Variants in ZNF500 observed in about 807,000 individuals in gnomAD.
ZNF500 encodes zinc finger protein 500, also known as zinc finger protein with KRAB and SCAN domains 18.
A neutral mutation model predicts 30.1 loss-of-function variants in ZNF500; 31 were observed. That is an observed-to-expected ratio of 1.03 (90% CI 0.77 to 1.39). ZNF500 has a LOEUF of 1.39. Ranked by LOEUF, ZNF500 falls within the 40% of genes most tolerant of loss-of-function variation. The pLI is 0.00. For synonymous variants in ZNF500, 392 were observed against 282.0 expected, an observed-to-expected ratio of 1.39 and a Z score of -3.91; for missense variants, 817 against 657.8, an observed-to-expected ratio of 1.24 and a Z score of -2.65.
At chr16:4,754,979 C>A (rs994028681) in intron 5 of ZNF500, among the ~76,000 whole-genome samples, 1 of 152,170 alleles carries the variant, frequency 6.6e-6, no homozygotes, top group East Asian at 1.9e-4. Flanking sequence ...CACCTCCCCT[C>A]GCTCCTTTGC....
rs535022905 is a variant in ZNF500 at position 4,761,894 on chromosome 16, A to C, written c.663+377T>G. ...AAACAAACAAACAAACAAAAACCCC[A>C]AAAAAACCAGCAAGCAAACAAAGGA... On this transcript the variant is annotated intron_variant, in intron 4 of 5. Transcript: ENST00000219478. 2.7e-4 allele frequency among the ~76,000 whole-genome samples: 41 copies of C among 151,554 alleles called. No individual in the cohort carries two copies. In the East Asian group the frequency reaches 4.3e-3, roughly 16 times the overall value.
chr16:4,756,880 G>A (rs529933055), intron 5 of ZNF500, among the ~76,000 whole-genome samples: 80 of 152,174 alleles, frequency 5.3e-4, no homozygotes, highest in Admixed American at 7.2e-4. Context: ...TACTCGGGAG[G>A]CTGAGGTGGT....
In ZNF500 at chr16:4,751,255, C is replaced by G. The variant is rs1016268370; in HGVS notation, c.*1121G>C. 7 of 297,118 alleles carry G rather than the reference C, an allele frequency of 2.4e-5. No individual in the cohort carries two copies. The South Asian group carries it at 2.5e-4, about 10-fold the overall frequency. 18.4% of individuals were successfully genotyped at this position (297,118 alleles called of 1,614,324 possible). ...GATGTGCACAGACCAGTGGCTCCCA[C>G]GCAGCACAGGCCAGACAAAAGCTGG... On this transcript the variant is annotated 3_prime_UTR_variant, in exon 6 of 6. Transcript: ENST00000219478.
intron 5 of ZNF500, among the ~76,000 whole-genome samples, chr16:4,755,794 T>C (rs1413094420): frequency 6.6e-6 from 1 of 152,028 alleles, no homozygotes; most frequent in Non-Finnish European, 1.5e-5. Context: ...AGCCAAAAAA[T>C]GGAAATCACC....
At chr16:4,744,433 G>A (rs2081987272), downstream of ZNF500, among the ~76,000 whole-genome samples, 1 of 152,034 alleles carries the variant, frequency 6.6e-6, no homozygotes, top group African/African-American at 2.4e-5. Context: ...AATACACTGC[G>A]GCTCGATGAG....
Position 4,762,665 on chromosome 16 carries a change from G to T in ZNF500, c.506C>A (p.Ser169Tyr), listed in dbSNP as rs1396719820. ...HQAEAQPEDL[S>Y]LEEEARFSSQ... ...GGAGAATCGAGCCTCTTCCTCCAGG[G>T]ACAGATCCTCTGGCTGAGCCTCTGC... Residue 169 changes from serine to tyrosine, a missense_variant, in exon 3 of 6, where the codon TCC becomes TAC. Physicochemically the swap from Ser to Tyr is moderately radical, Grantham distance 144. Coordinates refer to ENST00000219478, the MANE Select transcript of ZNF500 (RefSeq NM_021646.4). 6 of 1,614,162 alleles carry T rather than the reference G, an allele frequency of 3.7e-6. No homozygotes were observed. Among genetic ancestry groups the T allele is most frequent in the Non-Finnish European group, 8.5e-7 (1 of 1,180,006 alleles).
chr16:4,761,388 C>T (rs181866490), intron 4 of ZNF500, among the ~76,000 whole-genome samples: 1 of 150,686 alleles, frequency 6.6e-6, no homozygotes, highest in African/African-American at 2.4e-5. Flanking sequence ...TGCAGTGAGC[C>T]GAGATCGCAC....
At chr16:4,762,818 G>A in intron 2 of ZNF500, 62 bp from the exon 3 acceptor site, 2 of 1,525,094 alleles carry the variant, frequency 1.3e-6, no homozygotes, top group African/African-American at 1.4e-5. Flanking sequence ...AATCCCCGCA[G>A]GGCCCCACAC....
rs2082077916 is a variant in ZNF500 at position 4,751,559 on chromosome 16, G to A, written c.*817C>T. The A allele has an allele frequency of 2.0e-6, 3 of 1,531,846 alleles. No homozygotes were observed. Among genetic ancestry groups the A allele is most frequent in the African/African-American group, 1.4e-5 (1 of 72,818 alleles). The allele number at this position is 1,531,846 out of a possible 1,614,324, so 94.9% of individuals were successfully genotyped here. The stretch of plus-strand genomic sequence containing the variant: ...TTGGAAACTCTGGCAGGATGAAGAA[G>A]CTGGAGACCACGTCCTGGGAAGGCT... On this transcript the variant is annotated 3_prime_UTR_variant, in exon 6 of 6. Transcript: ENST00000219478.
At chr16:4,765,372 G>A (rs539037327) in intron 2 of ZNF500, among the ~76,000 whole-genome samples, 193 bp downstream of exon 2, 1 of 152,280 alleles carries the variant, frequency 6.6e-6, no homozygotes, top group South Asian at 2.1e-4. Flanking sequence ...GGGCTATTGG[G>A]GTAGGATGAG....
At chr16:4,746,321 TCA>T, downstream of ZNF500, 3 of 1,555,020 alleles carry the variant, frequency 1.9e-6, no homozygotes, top group Non-Finnish European at 1.8e-6. Context: ...CCAGCGCAGG[TCA>T]CAGAGTTATC....
chr16:4,758,855 T>G (rs1330116965), intron 5 of ZNF500, among the ~76,000 whole-genome samples: 1 of 152,086 alleles, frequency 6.6e-6, no homozygotes, highest in East Asian at 1.9e-4. Flanking sequence ...ACCAAAAACT[T>G]TTGTGCATGA....
chr16:4,756,484 A>C (rs1292446675), intron 5 of ZNF500: 1 of 151,912 alleles, frequency 6.6e-6, no homozygotes, highest in African/African-American at 2.4e-5. Context: ...ACTCCATCTC[A>C]ATTAAGAAAA....
chr16:4,759,946 G>T (rs1004290300), intron 5 of ZNF500, among the ~76,000 whole-genome samples: 1 of 152,192 alleles, frequency 6.6e-6, no homozygotes, highest in African/African-American at 2.4e-5. Context: ...GGCTGAGGTG[G>T]GAGCATCGCT....
chr16:4,765,214 T>G (rs2082250962), intron 2 of ZNF500, among the ~76,000 whole-genome samples: 1 of 152,018 alleles, frequency 6.6e-6, no homozygotes, highest in South Asian at 2.1e-4. Flanking sequence ...GGTGGGAGGA[T>G]TGCTTGAAGC....
At chr16:4,747,655 G>A, downstream of ZNF500, 1 of 1,574,478 alleles carries the variant, frequency 6.4e-7, no homozygotes. Flanking sequence ...CCCAGGAGTG[G>A]GCAGGGGCGG....
intron 5 of ZNF500, among the ~76,000 whole-genome samples, chr16:4,753,590 C>T (rs561440054): frequency 1.3e-5 from 2 of 152,354 alleles, no homozygotes; most frequent in South Asian, 2.1e-4. Flanking sequence ...TGTTAAGAAA[C>T]TTACCCAGAA....
In ZNF500 at chr16:4,750,035, G is replaced by A. The variant is rs562594285; in HGVS notation, c.*2341C>T. ...GGAGGCCACAGCCTCGGCAGGGGGAGGGAAGTGGGCAGACCCCAACCACAC... is the reference window on the plus strand; with the variant it reads ...GGAGGCCACAGCCTCGGCAGGGGGAAGGAAGTGGGCAGACCCCAACCACAC... On this transcript the variant is annotated 3_prime_UTR_variant, in exon 6 of 6. Transcript: ENST00000219478. 3.9e-5 allele frequency: 6 copies of A among 152,832 alleles called. No individual in the cohort carries two copies. Among genetic ancestry groups the A allele is most frequent in the African/African-American group, 1.2e-4 (5 of 41,582 alleles). The allele number at this position is 152,832 out of a possible 1,614,324, so 9.5% of individuals were successfully genotyped here. A position where few individuals can be genotyped will look rare whatever the true frequency, so the allele number is the denominator to read the frequency against.
At chr16:4,761,552 AAAAAT>A (rs1288127334) in intron 4 of ZNF500, among the ~76,000 whole-genome samples, 2 of 151,580 alleles carry the variant, frequency 1.3e-5, no homozygotes, top group Non-Finnish European at 2.9e-5. Context: ...ATAAATAAAT[AAAAAT>A]AAAACAGGCC....
Sources: allele counts gnomAD v4.1 joint callset (sites outside exome capture counted in the v4.1 genomes callset), GRCh38; gene constraint gnomAD v4.1.1; transcripts MANE v1.5; gene names NCBI Gene and HGNC (gene_info 2026-07-23, HGNC 2026-07-21).